WWOX: variants seen among roughly 807,000 people sequenced by gnomAD.
The protein encoded by WWOX is WW domain containing oxidoreductase.
In WWOX, 69 loss-of-function variants were observed where a neutral mutation model predicts 46.2. That is an observed-to-expected ratio of 1.49 (90% CI 1.23 to 1.82). The LOEUF is 1.82. WWOX is among the 40% of genes most tolerant of loss of function. WWOX has a pLI of 0.00. For missense variants in WWOX, 919 were observed against 542.6 expected, an observed-to-expected ratio of 1.69 and a Z score of -6.89; for synonymous variants, 359 against 202.6, an observed-to-expected ratio of 1.77 and a Z score of -6.56.
intron 6 of WWOX, among the ~76,000 whole-genome samples, chr16:78,420,598 T>C (rs1172739649): frequency 6.6e-6 from 1 of 151,740 alleles, no homozygotes; most frequent in Non-Finnish European, 1.5e-5. Flanking sequence ...AGTACACTGA[T>C]GGTGTTTTGG....
chr16:78,873,618 C>G (rs1164462454), intron 8 of WWOX: 1 of 151,886 alleles, frequency 6.6e-6, no homozygotes, highest in African/African-American at 2.4e-5. Flanking sequence ...GACACCTCAT[C>G]TCTATAAAAT....
chr16:78,297,071 G>C (rs1447896958), intron 5 of WWOX, among the ~76,000 whole-genome samples: 1 of 152,132 alleles, frequency 6.6e-6, no homozygotes, highest in Non-Finnish European at 1.5e-5. Context: ...GGTTGGAAAA[G>C]AGCACAAGTT....
At chr16:78,452,342 T>C (rs180711131) in intron 8 of WWOX, among the ~76,000 whole-genome samples, 12 of 152,322 alleles carry the variant, frequency 7.9e-5, no homozygotes, top group African/African-American at 2.6e-4. Flanking sequence ...TAGTTACTGA[T>C]TGCTATCATG....
At chr16:78,216,153 C>G (rs1451989240) in intron 5 of WWOX, among the ~76,000 whole-genome samples, 1 of 152,006 alleles carries the variant, frequency 6.6e-6, no homozygotes, top group Non-Finnish European at 1.5e-5. Flanking sequence ...TGATTCTTGT[C>G]AATTAAATAA....
At chr16:78,177,310 C>T (rs749417457) in intron 5 of WWOX, among the ~76,000 whole-genome samples, 10 of 152,100 alleles carry the variant, frequency 6.6e-5, no homozygotes, top group Non-Finnish European at 1.2e-4. Flanking sequence ...ACATCTATTA[C>T]GTGCTAGGTG....
chr16:78,108,806 G>C (rs977919037), intron 2 of WWOX, among the ~76,000 whole-genome samples: 1 of 152,188 alleles, frequency 6.6e-6, no homozygotes, highest in Non-Finnish European at 1.5e-5. Context: ...TGGCCAACAT[G>C]TTGAAAGCGC....
At chr16:78,342,735 C>T (rs1208581170) in intron 5 of WWOX, among the ~76,000 whole-genome samples, 3 of 120,698 alleles carry the variant, frequency 2.5e-5, no homozygotes, top group South Asian at 5.0e-4. Context: ...AGCACCATTA[C>T]TCCCAAAAAT....
chr16:79,129,526 G>A (rs1027215970), intron 8 of WWOX, among the ~76,000 whole-genome samples: 3 of 151,398 alleles, frequency 2.0e-5, no homozygotes, highest in South Asian at 2.1e-4. Context: ...AGAAAATGGC[G>A]GTTTATTCCG....
chr16:78,615,800 G>T (rs919307658), intron 8 of WWOX, among the ~76,000 whole-genome samples: 2 of 151,594 alleles, frequency 1.3e-5, no homozygotes, highest in Admixed American at 6.6e-5. Context: ...GCCCAGGCTG[G>T]AGTGCAGTGG....
intron 8 of WWOX, among the ~76,000 whole-genome samples, chr16:78,869,620 T>C (rs953671743): frequency 2.0e-5 from 3 of 152,016 alleles, no homozygotes; most frequent in African/African-American, 7.2e-5. Context: ...TGGGAAAGGG[T>C]GTCATGATGG....
At chr16:78,398,916 A>AT (rs2082349565) in intron 6 of WWOX, among the ~76,000 whole-genome samples, 1 of 152,188 alleles carries the variant, frequency 6.6e-6, no homozygotes, top group Non-Finnish European at 1.5e-5. Context: ...CAATTATTAC[A>AT]TTTACTGCCT....
intron 8 of WWOX, among the ~76,000 whole-genome samples, chr16:78,740,528 A>T (rs914743394): frequency 1.3e-5 from 2 of 152,178 alleles, no homozygotes; most frequent in Non-Finnish European, 2.9e-5. Context: ...AGGAGCTAGA[A>T]TTCAGAGTTC....
chr16:78,682,648 G>A (rs982740224), intron 8 of WWOX, among the ~76,000 whole-genome samples: 1 of 152,158 alleles, frequency 6.6e-6, no homozygotes, highest in African/African-American at 2.4e-5. Context: ...TGAGACTGAG[G>A]CAGAAGGATT....
chr16:78,365,141 C>G (rs930363878), intron 5 of WWOX, among the ~76,000 whole-genome samples: 1 of 152,164 alleles, frequency 6.6e-6, no homozygotes, highest in African/African-American at 2.4e-5. Flanking sequence ...ATACCTACTT[C>G]TTGAAGATGC....
At chr16:78,604,245 C>T (rs866562499) in intron 8 of WWOX, among the ~76,000 whole-genome samples, 38 of 152,302 alleles carry the variant, frequency 2.5e-4, no homozygotes, top group South Asian at 2.1e-4. Context: ...CCAAATGTAA[C>T]TCCTGGGGCA....
At chr16:78,122,331 G>C (rs1025235269) in intron 4 of WWOX, among the ~76,000 whole-genome samples, 23 of 152,116 alleles carry the variant, frequency 1.5e-4, no homozygotes, top group Non-Finnish European at 2.4e-4. Flanking sequence ...TTTCATGCCT[G>C]CATGTAGGTT....
At chr16:78,358,899 T>C (rs1229346171) in intron 5 of WWOX, among the ~76,000 whole-genome samples, 3 of 140,720 alleles carry the variant, frequency 2.1e-5, no homozygotes, top group Non-Finnish European at 3.0e-5. Flanking sequence ...AGACATATAG[T>C]GGCCATGTTT....
At chr16:78,701,003 C>T (rs1471088134) in intron 8 of WWOX, among the ~76,000 whole-genome samples, 2 of 152,018 alleles carry the variant, frequency 1.3e-5, no homozygotes. Flanking sequence ...AGCTAGGCTG[C>T]CTAGGTTTGA....
chr16:79,176,284 G>C (rs1378384373), intron 8 of WWOX, among the ~76,000 whole-genome samples: 1 of 152,194 alleles, frequency 6.6e-6, no homozygotes, highest in African/African-American at 2.4e-5. Flanking sequence ...CCAGGCTGCA[G>C]CCACTTAGTG....
Sources: gnomAD v4.1 joint callset for allele counts (sites outside exome capture counted in the v4.1 genomes callset) on GRCh38, gnomAD v4.1.1 for gene constraint, MANE v1.5 for transcripts, NCBI Gene and HGNC (gene_info 2026-07-23, HGNC 2026-07-21) for gene names.